RNF41: variants seen among roughly 807,000 people sequenced by gnomAD.
RNF41 encodes the protein ring finger protein 41, also known as E3 ubiquitin-protein ligase NRDP1.
A neutral mutation model predicts 33.0 loss-of-function variants in RNF41; 4 were observed. The ratio of observed to expected loss-of-function variants is 0.12; its 90% CI spans 0.06 to 0.28. RNF41 has a LOEUF of 0.28. Ranked by LOEUF, RNF41 falls within the 10% of genes least tolerant of loss-of-function variation. The probability of loss-of-function intolerance (pLI) is 1.00; values close to 1 mark genes in which losing one functional copy is unlikely to be tolerated. For synonymous variants in RNF41, 164 were observed against 153.2 expected (o/e 1.07, Z -0.52); for missense variants, 228 against 432.6 (o/e 0.53, Z 4.19).
Position 56,206,729 on chromosome 12 carries a change from C to G in RNF41, c.672G>C (p.Val224=), listed in dbSNP as rs1180059547. 6.2e-7 allele frequency: 1 copy of G among 1,614,114 alleles called. No homozygotes were observed. Among genetic ancestry groups the G allele is most frequent in the Middle Eastern group, 1.6e-4 (1 of 6,062 alleles). The change falls in exon 7 of 7, where the codon GTG becomes GTC. Residue 224 remains valine (V), a synonymous_variant. Transcript: ENST00000345093. The surrounding 1 kb of genome is among the most constrained non-coding windows in gnomAD (Gnocchi z 5.7). ...GGGAGCGCTTGATTACAGCCTGGAG[C>G]ACAGCATCAGGAGTCGAGATCATCC... ...WGGMISTPDA[V]LQAVIKRSLV...
intron 2 of RNF41, among the ~76,000 whole-genome samples, chr12:56,216,224 G>A (rs539270610): frequency 9.2e-5 from 14 of 152,196 alleles, no homozygotes; most frequent in African/African-American, 1.9e-4. Flanking sequence ...ACACATAAAC[G>A]TATTAAGCAA....
rs1200097294 is a variant in RNF41 at position 56,206,168 on chromosome 12, G to A, written c.*279C>T. 2.1e-5 allele frequency: 8 copies of A among 388,794 alleles called. No individual in the cohort carries two copies. The Admixed American group carries it at 3.0e-4, about 15-fold the overall frequency. The allele number at this position is 388,794 out of a possible 1,614,324, so 24.1% of individuals were successfully genotyped here. ...CTTTCTGAAAATAACTGGAACCAGG[G>A]ACCCTAAGCAGGAAAATGGATGGAG... is the stretch of plus-strand genomic sequence containing the variant. On this transcript the variant is annotated 3_prime_UTR_variant, in exon 7 of 7. Coordinates refer to ENST00000345093, the MANE Select transcript of RNF41 (RefSeq NM_005785.4). The surrounding 1 kb of genome is among the most constrained non-coding windows in gnomAD (Gnocchi z 5.7).
At chr12:56,212,415 A>G (rs1868548816) in intron 3 of RNF41, among the ~76,000 whole-genome samples, 1 of 152,182 alleles carries the variant, frequency 6.6e-6, no homozygotes. Flanking sequence ...ACCTGGCATC[A>G]TGAGGGTTGC....
chr12:56,210,509 T>C lies in RNF41; in HGVS notation c.150A>G (p.Gln50=). 1 of 1,614,134 alleles carries C rather than the reference T, an allele frequency of 6.2e-7. No individual in the cohort carries two copies. ...CACTACGGTCCACTGGACATGTCTG[T>C]TGCTGAGAGAACCACTGGGTGATGC... The part of the protein sequence containing the change: ...NACITQWFSQ[Q]QTCPVDRSVV... Residue 50 remains glutamine, a synonymous_variant, in exon 4 of 7, where the codon CAA becomes CAG. Transcript: ENST00000345093.
At chr12:56,208,131 G>T (rs775004661) in intron 5 of RNF41, 32 bp downstream of exon 5, 3 of 1,613,640 alleles carry the variant, frequency 1.9e-6, no homozygotes, top group Middle Eastern at 1.7e-4. Context: ...TGCATATGAG[G>T]GATATGTTCT....
intron 2 of RNF41, among the ~76,000 whole-genome samples, chr12:56,215,177 G>A (rs1057457066): frequency 6.6e-6 from 1 of 152,210 alleles, no homozygotes; most frequent in Admixed American, 6.5e-5. Context: ...AGAGGTGGGA[G>A]GGAGGGCCTG....
In RNF41 at chr12:56,204,991, C is replaced by T. The variant is rs1747064112; in HGVS notation, c.*1456G>A. On this transcript the variant is annotated 3_prime_UTR_variant, in exon 7 of 7. Transcript: ENST00000345093. ...CAGTCACTCTAGGGATCAAGGTATA[C>T]CCCAGGTAACCTGAAATGGAACTGA... The T allele has an allele frequency of 6.6e-6, 1 of 152,234 alleles. No individual in the cohort carries two copies. The highest frequency in any genetic ancestry group is 2.4e-5 in the African/African-American group (1 of 41,448). 9.4% of individuals were successfully genotyped at this position (152,234 alleles called of 1,614,324 possible). A position where few individuals can be genotyped will look rare whatever the true frequency, so the allele number is the denominator to read the frequency against.
In RNF41 at chr12:56,208,466, A is replaced by G. The variant is rs1592349790; in HGVS notation, c.363-168T>C. On this transcript the variant is annotated intron_variant, in intron 4 of 6. Transcript: ENST00000345093. ...TTATTCCCTTCACTTTCTTCGTCCA[A>G]GCTTCCTACTTGCCCCTTTGCTGTC... 5.0e-6 allele frequency: 3 copies of G among 601,482 alleles called. No homozygotes were observed. In the East Asian group the frequency reaches 8.5e-5, roughly 17 times the overall value. 37.3% of individuals were successfully genotyped at this position (601,482 alleles called of 1,614,324 possible).
At chr12:56,215,949 C>T (rs921240238) in intron 2 of RNF41, among the ~76,000 whole-genome samples, 2 of 151,706 alleles carry the variant, frequency 1.3e-5, no homozygotes, top group African/African-American at 4.8e-5. Flanking sequence ...TGGTGAAACC[C>T]CATCTCTACT....
At chr12:56,219,199 A>AT (rs1371149349) in intron 1 of RNF41, among the ~76,000 whole-genome samples, 11 of 136,872 alleles carry the variant, frequency 8.0e-5, no homozygotes, top group African/African-American at 2.7e-4. Flanking sequence ...TTATTTATTT[A>AT]TTTTTTTTTT....
In RNF41 at chr12:56,214,027, A is replaced by G. The variant is rs755250797; in HGVS notation, c.21T>C (p.Arg7=). The change falls in exon 3 of 7, where the codon CGT becomes CGC. Residue 7 remains arginine, a synonymous_variant. Coordinates refer to ENST00000345093, the MANE Select transcript of RNF41 (RefSeq NM_005785.4). The part of the protein sequence containing the change: MGYDVT[R]FQGDVDEDLI... Reference sequence around the variant, plus strand: ...GATCTTCGTCAACATCCCCCTGGAAACGGGTTACATCATACCCCATGTCTC... The same window carrying G: ...GATCTTCGTCAACATCCCCCTGGAAGCGGGTTACATCATACCCCATGTCTC... The G allele has an allele frequency of 2.5e-6, 4 of 1,613,942 alleles. No individual in the cohort carries two copies. In the South Asian group the frequency reaches 3.3e-5, roughly 13 times the overall value.
Position 56,203,058 on chromosome 12 carries a change from T to C in RNF41, c.*3389A>G, listed in dbSNP as rs895377001. ...TAGAAGCGCAGACTCAGCACAGAAA[T>C]GCCTTTTTTTTTTTTTTCAAGCCAC... On this transcript the variant is annotated 3_prime_UTR_variant, in exon 7 of 7. Transcript: ENST00000345093. The C allele has an allele frequency of 5.7e-5, 5 of 86,976 alleles. No individual in the cohort carries two copies. Among genetic ancestry groups the C allele is most frequent in the African/African-American group, 1.7e-4 (5 of 29,820 alleles). The allele number at this position is 86,976 out of a possible 1,614,324, so 5.4% of individuals were successfully genotyped here. A position where few individuals can be genotyped will look rare whatever the true frequency, so the allele number is the denominator to read the frequency against.
Position 56,204,594 on chromosome 12 carries a change from CA to C in RNF41, c.*1852del, listed in dbSNP as rs1377551019. The C allele has an allele frequency of 2.6e-5, 4 of 152,630 alleles. No homozygotes were observed. Among genetic ancestry groups the C allele is most frequent in the Non-Finnish European group, 4.4e-5 (3 of 68,128 alleles). 9.5% of individuals were successfully genotyped at this position (152,630 alleles called of 1,614,324 possible). ...CCAGCAACCTGCAGAGACACTAGTGCAAAGGGTAGGGAAGCCTTTCACTGAG... is the reference window on the plus strand; with the variant it reads ...CCAGCAACCTGCAGAGACACTAGTGCAAGGGTAGGGAAGCCTTTCACTGAG... On this transcript the variant is annotated 3_prime_UTR_variant, in exon 7 of 7. Coordinates refer to ENST00000345093, the MANE Select transcript of RNF41 (RefSeq NM_005785.4).
In RNF41 at chr12:56,220,859, A is replaced by G. The variant is rs148164640; in HGVS notation, c.-209+901T>C. Among the ~76,000 whole-genome samples the G allele has an allele frequency of 9.4e-4, 143 of 152,216 alleles. 4 individuals carry two copies. In the East Asian group the frequency reaches 0.018, roughly 20 times the overall value. On this transcript the variant is annotated intron_variant, in intron 1 of 6. Transcript: ENST00000345093. ...CTAGCCACAGGTCGGTCGGCTTAAC[A>G]TTGCATCACTCACATTCCCTACCAC...
chr12:56,207,279 C>A (rs1255709190), intron 6 of RNF41: 7 of 1,337,698 alleles, frequency 5.2e-6, no homozygotes, highest in Non-Finnish European at 6.9e-6. Context: ...TGGACTTGCA[C>A]TCTGCCTCCT....
At chr12:56,218,328 T>C (rs1869062690) in intron 1 of RNF41, among the ~76,000 whole-genome samples, 1 of 151,910 alleles carries the variant, frequency 6.6e-6, no homozygotes, top group Non-Finnish European at 1.5e-5. Flanking sequence ...GGCATGATCA[T>C]AGCTCACTAC....
At chr12:56,209,561 C>T (rs1868351327) in intron 4 of RNF41, among the ~76,000 whole-genome samples, 2 of 151,712 alleles carry the variant, frequency 1.3e-5, no homozygotes, top group Admixed American at 6.6e-5. Context: ...AGGTTCATGC[C>T]GTTCTCCTGC....
chr12:56,216,755 AT>A (rs1868916571), intron 1 of RNF41, 142 bp from the exon 2 acceptor site: 1 of 152,316 alleles, frequency 6.6e-6, no homozygotes, highest in Non-Finnish European at 1.5e-5. Flanking sequence ...TGCTAGGCAA[AT>A]AAGACTACCT....
At position 56,206,818 on chromosome 12, in the gene RNF41, G is replaced by C. The variant is rs377651407; in HGVS notation, c.603-20C>G. 78 of 1,568,514 alleles carry C rather than the reference G, an allele frequency of 5.0e-5. No individual in the cohort carries two copies. The highest frequency in any genetic ancestry group is 6.4e-5 in the Non-Finnish European group (73 of 1,145,510). The stretch of plus-strand genomic sequence containing the variant: ...ACCCACCTGTGTGGAGGTGGTTAAA[G>C]ATGGTCATTCCAGCTCATCTCCTTT... On this transcript the variant is annotated intron_variant, in intron 6 of 6. Coordinates refer to ENST00000345093, the MANE Select transcript of RNF41 (RefSeq NM_005785.4). This position sits in a 1 kb window ranked among gnomAD's most constrained non-coding sequence, Gnocchi z 5.7.
Sources: gnomAD v4.1 joint callset for allele counts (sites outside exome capture counted in the v4.1 genomes callset) on GRCh38, gnomAD v4.1.1 for gene constraint, Gnocchi (gnomAD v3.1) non-coding constraint, MANE v1.5 for transcripts, NCBI Gene and HGNC (gene_info 2026-07-23, HGNC 2026-07-21) for gene names.